Variants in TGS1 observed in about 807,000 individuals in gnomAD.
TGS1 encodes trimethylguanosine synthase.
In TGS1, 69 loss-of-function variants were observed where a neutral mutation model predicts 92.2. The ratio of observed to expected loss-of-function variants is 0.75; its 90% CI spans 0.62 to 0.91. TGS1 has a LOEUF of 0.91. Ranked by LOEUF, TGS1 falls within the 40% of genes least tolerant of loss-of-function variation. The pLI is 0.00. For missense variants in TGS1, 1,062 were observed against 1,001.2 expected, an observed-to-expected ratio of 1.06 and a Z score of -0.82; for synonymous variants, 345 against 338.1, an observed-to-expected ratio of 1.02 and a Z score of -0.22.
intron 10 of TGS1, among the ~76,000 whole-genome samples, chr8:55,807,507 T>G (rs1040000803): frequency 1.6e-5 from 2 of 124,706 alleles, no homozygotes; most frequent in East Asian, 2.8e-4. Context: ...AAAGCAGGGG[T>G]TTTTTTTTTT....
At chr8:55,801,346 C>T (rs1812207277) in intron 8 of TGS1, among the ~76,000 whole-genome samples, 1 of 152,052 alleles carries the variant, frequency 6.6e-6, no homozygotes, top group Non-Finnish European at 1.5e-5. Context: ...TCTCAGCTCA[C>T]TGCAACCTCC....
chr8:55,773,660 C>T lies in TGS1; in HGVS notation c.42C>T (p.Leu14=), dbSNP rs1811283392. 1 of 1,611,434 alleles carries T rather than the reference C, an allele frequency of 6.2e-7. No individual in the cohort carries two copies. The highest frequency in any genetic ancestry group is 1.7e-5 in the Admixed American group (1 of 59,558). ...GGAGCCGCGTGGCGGAAATGTTTCT[C>T]TTCATTGAGGAGCGGGAGGATTGTA... The part of the protein sequence containing the change: ...EKWSRVAEMF[L]FIEEREDCKI... Residue 14 remains leucine, a synonymous_variant, in exon 1 of 13, where the codon CTC becomes CTT. Coordinates refer to ENST00000260129, the MANE Select transcript of TGS1 (RefSeq NM_024831.8).
At chr8:55,797,345 A>T (rs1240833485) in intron 7 of TGS1, among the ~76,000 whole-genome samples, 2 of 152,186 alleles carry the variant, frequency 1.3e-5, no homozygotes, top group Non-Finnish European at 2.9e-5. Flanking sequence ...TGCCCCCATG[A>T]TTCAACTATC....
intron 2 of TGS1, 25 bp downstream of exon 2, chr8:55,782,837 A>G (rs1423750891): frequency 1.3e-6 from 2 of 1,505,694 alleles, no homozygotes; most frequent in African/African-American, 2.8e-5. Flanking sequence ...AATTCTATAA[A>G]CCTTTTTTGC....
At position 55,802,577 on chromosome 8, in the gene TGS1, G is replaced by A. The variant is rs141387842; in HGVS notation, c.1970G>A (p.Arg657His). ...YWAQRYRLFS[R>H]FDDGIKLDRE... The stretch of plus-strand genomic sequence containing the variant: ...GCCCAGAGGTACAGGCTCTTCTCCC[G>A]TTTTGATGATGGGATTAAGTTGGAC... The change falls in exon 9 of 13, where the codon CGT becomes CAT. Residue 657 changes from arginine (R) to histidine (H), a missense_variant. Coordinates refer to ENST00000260129, the MANE Select transcript of TGS1 (RefSeq NM_024831.8). 5.0e-5 allele frequency: 81 copies of A among 1,613,346 alleles called. No homozygotes were observed. The highest frequency in any genetic ancestry group is 1.1e-4 in the East Asian group (5 of 44,876).
intron 10 of TGS1, among the ~76,000 whole-genome samples, 196 bp from the exon 11 acceptor site, chr8:55,810,685 A>G (rs986021754): frequency 2.0e-5 from 3 of 152,224 alleles, no homozygotes; most frequent in East Asian, 1.9e-4. Flanking sequence ...TTTTCTTGGT[A>G]CAACACAGTG....
At position 55,813,045 on chromosome 8, in the gene TGS1, A is replaced by G. The variant is rs1415698139; in HGVS notation, c.2366A>G (p.Glu789Gly). ...TTTCCTTAACTGCTGTCCACCTTTG[A>G]AATTTTCAGACTTTCTAAGAAGATC... ...IRTMMSPDGF[E>G]IFRLSKKITN... The change falls in exon 12 of 13, where the codon GAA (glutamate) becomes GGA (glycine). Residue 789 changes from glutamate to glycine, a missense_variant. Coordinates refer to ENST00000260129, the MANE Select transcript of TGS1 (RefSeq NM_024831.8). 1 of 1,606,686 alleles carries G rather than the reference A, an allele frequency of 6.2e-7. No individual in the cohort carries two copies. The highest frequency in any genetic ancestry group is 8.5e-7 in the Non-Finnish European group (1 of 1,174,424).
chr8:55,776,722 G>T (rs1811412445), intron 1 of TGS1, among the ~76,000 whole-genome samples: 1 of 152,140 alleles, frequency 6.6e-6, no homozygotes, highest in Admixed American at 6.5e-5. Flanking sequence ...CAGAAATTGG[G>T]CATAAGACAA....
At chr8:55,783,442 A>G (rs1436731184) in intron 2 of TGS1, among the ~76,000 whole-genome samples, 1 of 152,186 alleles carries the variant, frequency 6.6e-6, no homozygotes, top group Non-Finnish European at 1.5e-5. Context: ...GTAAATTCTA[A>G]TCATAATACA....
At chr8:55,796,352 G>A (rs1812050001) in intron 7 of TGS1, among the ~76,000 whole-genome samples, 200 bp downstream of exon 7, 1 of 152,036 alleles carries the variant, frequency 6.6e-6, no homozygotes, top group Non-Finnish European at 1.5e-5. Flanking sequence ...AGGGTGAAAA[G>A]GAAGTGTTTG....
intron 12 of TGS1, 85 bp downstream of exon 12, chr8:55,813,203 A>G (rs1156891471): frequency 1.0e-6 from 1 of 978,146 alleles, no homozygotes; most frequent in Non-Finnish European, 1.6e-6. Flanking sequence ...TCCTTACCAG[A>G]GAATGTGTTT....
At chr8:55,792,947 G>A (rs1563456928) in intron 6 of TGS1, among the ~76,000 whole-genome samples, 163 bp downstream of exon 6, 1 of 152,228 alleles carries the variant, frequency 6.6e-6, no homozygotes, top group East Asian at 1.9e-4. Flanking sequence ...TACATTTGAT[G>A]TGTTCATATG....
At chr8:55,822,832 T>A (rs1165323422) in intron 12 of TGS1, among the ~76,000 whole-genome samples, 2 of 152,210 alleles carry the variant, frequency 1.3e-5, no homozygotes, top group East Asian at 3.9e-4. Flanking sequence ...ACATACTCAC[T>A]GGAAATGCAC....
At chr8:55,804,454 A>C (rs1812306949) in intron 9 of TGS1, among the ~76,000 whole-genome samples, 1 of 152,070 alleles carries the variant, frequency 6.6e-6, no homozygotes, top group Non-Finnish European at 1.5e-5. Context: ...AAAAAAATGG[A>C]GTTTTTTCTG....
intron 2 of TGS1, among the ~76,000 whole-genome samples, chr8:55,784,462 A>G: frequency 6.6e-6 from 1 of 152,074 alleles, no homozygotes; most frequent in South Asian, 2.1e-4. Context: ...AACTACAGGC[A>G]CCACCACACC....
chr8:55,794,118 A>T (rs984464029), intron 6 of TGS1, among the ~76,000 whole-genome samples: 2 of 152,180 alleles, frequency 1.3e-5, no homozygotes, highest in East Asian at 1.9e-4. Flanking sequence ...GTTTCCTAAG[A>T]TCTAAGCATA....
At chr8:55,783,946 T>C (rs754207447) in intron 2 of TGS1, among the ~76,000 whole-genome samples, 6 of 152,242 alleles carry the variant, frequency 3.9e-5, no homozygotes, top group Non-Finnish European at 8.8e-5. Context: ...TCCATTTTGC[T>C]GTCTCCTGAG....
intron 12 of TGS1, among the ~76,000 whole-genome samples, chr8:55,822,362 G>A (rs1024752341): frequency 7.2e-5 from 11 of 152,114 alleles, no homozygotes; most frequent in Admixed American, 1.3e-4. Flanking sequence ...GAGCCACAGC[G>A]CCCGGCCTAA....
rs768556903 is a variant in TGS1, at chr8:55,824,713, A to T, written c.*10A>T. Reference sequence around the variant, plus strand: ...AGCCTCTGAAACCTAACTATGCAGCAGTGCGAGGACAAAAGATCATGGAGT... The same window carrying T: ...AGCCTCTGAAACCTAACTATGCAGCTGTGCGAGGACAAAAGATCATGGAGT... On this transcript the variant is annotated 3_prime_UTR_variant, in exon 13 of 13. Transcript: ENST00000260129. 10 of 1,614,142 alleles carry T rather than the reference A, an allele frequency of 6.2e-6. No homozygotes were observed. Among genetic ancestry groups the T allele is most frequent in the Non-Finnish European group, 8.5e-6 (10 of 1,179,970 alleles).
Sources: allele counts gnomAD v4.1 joint callset (sites outside exome capture counted in the v4.1 genomes callset), GRCh38; gene constraint gnomAD v4.1.1; transcripts MANE v1.5; gene names NCBI Gene and HGNC (gene_info 2026-07-23, HGNC 2026-07-21).